SPOCD1: variants seen among roughly 807,000 people sequenced by gnomAD.
SPOCD1 encodes the protein SPOC domain-containing protein 1.
A neutral mutation model predicts 92.2 loss-of-function variants in SPOCD1; 64 were observed. The ratio of observed to expected loss-of-function variants is 0.69; its 90% CI spans 0.57 to 0.86. SPOCD1 has a LOEUF of 0.86. Ranked by LOEUF, SPOCD1 falls within the 40% of genes least tolerant of loss-of-function variation. The probability of loss-of-function intolerance (pLI) is 0.00; values close to 1 mark genes in which losing one functional copy is unlikely to be tolerated. For missense variants in SPOCD1, 1,360 were observed against 1,543.1 expected (o/e 0.88, Z 1.99); for synonymous variants, 578 against 619.3 (o/e 0.93, Z 0.99).
rs979995116 is a variant in SPOCD1, at chr1:31,806,511, A to G, written c.1384-4806T>C. On this transcript the variant is annotated intron_variant, in intron 2 of 15. Transcript: ENST00000360482. ...TAGTTTCTTTAATTCATCATATCCA[A>G]TATATTATCATTTCAACATGCAATC... is the stretch of plus-strand genomic sequence containing the variant. Among the ~76,000 whole-genome samples the G allele has an allele frequency of 2.0e-5, 3 of 152,138 alleles. No individual in the cohort carries two copies. The South Asian group carries it at 6.2e-4, about 32-fold the overall frequency.
At chr1:31,796,401 C>T in intron 10 of SPOCD1, 189 bp downstream of exon 10, 3 of 873,062 alleles carry the variant, frequency 3.4e-6, no homozygotes, top group Non-Finnish European at 5.4e-6. Context: ...CGCTGGCAGG[C>T]CTGTGCCAGC....
At position 31,814,399 on chromosome 1, in the gene SPOCD1, C is replaced by T. The variant is rs1420117201; in HGVS notation, c.935G>A (p.Gly312Glu). 2 of 1,609,174 alleles carry T rather than the reference C, an allele frequency of 1.2e-6. No individual in the cohort carries two copies. The highest frequency in any genetic ancestry group is 2.7e-5 in the African/African-American group (2 of 74,900). ...GPVGFPVPSGGESLSSAAQAP... is the reference protein window; with the variant it reads ...GPVGFPVPSGEESLSSAAQAP... ...CTGTGCAGCTGAACTGAGGGACTCC[C>T]CTCCACTGGGCACTGGGAACCCGAC... The change falls in exon 2 of 16, where the codon GGG becomes GAG. Residue 312 changes from glycine to glutamate, a missense_variant. Coordinates refer to ENST00000360482, the MANE Select transcript of SPOCD1 (RefSeq NM_144569.7). This position sits in a 1 kb window ranked among gnomAD's most constrained non-coding sequence, Gnocchi z 4.2.
In SPOCD1 at chr1:31,790,456, A is replaced by G; in HGVS notation, c.*147T>C. On this transcript the variant is annotated 3_prime_UTR_variant, in exon 16 of 16. Coordinates refer to ENST00000360482, the MANE Select transcript of SPOCD1 (RefSeq NM_144569.7). Reference sequence around the variant, plus strand: ...TACCAAATTCTTTATTGAACAAAAAATCAACAGCAAACATTGTCAAACAGG... The same window carrying G: ...TACCAAATTCTTTATTGAACAAAAAGTCAACAGCAAACATTGTCAAACAGG... 1.3e-6 allele frequency: 1 copy of G among 764,974 alleles called. No individual in the cohort carries two copies. Among genetic ancestry groups the G allele is most frequent in the Non-Finnish European group, 2.1e-6 (1 of 477,204 alleles). The allele number at this position is 764,974 out of a possible 1,614,324, so 47.4% of individuals were successfully genotyped here. A position where few individuals can be genotyped will look rare whatever the true frequency, so the allele number is the denominator to read the frequency against.
intron 2 of SPOCD1, among the ~76,000 whole-genome samples, 188 bp from the exon 3 acceptor site, chr1:31,801,893 T>G (rs1648492002): frequency 6.6e-6 from 1 of 152,146 alleles, no homozygotes; most frequent in Non-Finnish European, 1.5e-5. Context: ...TCAGGCCAGG[T>G]GCAGTGGCTC....
At chr1:31,792,004 C>A (rs1421563823) in intron 15 of SPOCD1, 4 of 605,540 alleles carry the variant, frequency 6.6e-6, no homozygotes, top group Non-Finnish European at 8.7e-6. Flanking sequence ...TACAAGAATT[C>A]ATCTAGGTAA....
At chr1:31,793,169 G>A (rs1490146537) in intron 13 of SPOCD1, 109 bp downstream of exon 13, 23 of 1,341,486 alleles carry the variant, frequency 1.7e-5, no homozygotes, top group African/African-American at 2.9e-5. Flanking sequence ...GCACAGAAAG[G>A]GGTGCCCATG....
At position 31,798,808 on chromosome 1, in the gene SPOCD1, G is replaced by A. The variant is rs1297541664; in HGVS notation, c.1869-207C>T. On this transcript the variant is annotated intron_variant, in intron 7 of 15. Transcript: ENST00000360482. This position sits in a 1 kb window ranked among gnomAD's most constrained non-coding sequence, Gnocchi z 4.1. The stretch of plus-strand genomic sequence containing the variant: ...TCCTTTTATGGATGGGGTTACTGGG[G>A]CTCAGGGAAAATAAGAGGCTTACTC... 3.3e-6 allele frequency: 2 copies of A among 610,488 alleles called. No homozygotes were observed. The highest frequency in any genetic ancestry group is 1.9e-5 in the African/African-American group (1 of 53,932). The allele number at this position is 610,488 out of a possible 1,614,324, so 37.8% of individuals were successfully genotyped here.
chr1:31,810,354 A>ATT (rs35691769), intron 2 of SPOCD1, among the ~76,000 whole-genome samples: 10,473 of 137,876 alleles, frequency 0.076, 593 homozygotes, highest in African/African-American at 0.13. Context: ...TTAGTGTTGA[A>ATT]TTTTTTTTTT....
chr1:31,802,778 G>A (rs1032602479), intron 2 of SPOCD1, among the ~76,000 whole-genome samples: 5 of 152,078 alleles, frequency 3.3e-5, no homozygotes, highest in African/African-American at 9.7e-5. Context: ...AGAACAATAC[G>A]TGTGGTGTGC....
At chr1:31,804,334 G>A (rs1466369707) in intron 2 of SPOCD1, among the ~76,000 whole-genome samples, 1 of 152,048 alleles carries the variant, frequency 6.6e-6, no homozygotes, top group Non-Finnish European at 1.5e-5. Flanking sequence ...CAAAGAGCTG[G>A]GATTTAAATC....
At chr1:31,804,561 G>T (rs1366913438) in intron 2 of SPOCD1, among the ~76,000 whole-genome samples, 1 of 152,080 alleles carries the variant, frequency 6.6e-6, no homozygotes, top group East Asian at 1.9e-4. Flanking sequence ...CAAGAATAAG[G>T]AAGAAATAAA....
chr1:31,796,353 G>A (rs182829718), intron 10 of SPOCD1: 85 of 617,266 alleles, frequency 1.4e-4, no homozygotes, highest in Non-Finnish European at 2.6e-5. Flanking sequence ...GGGGGCCTTG[G>A]GGTGAGGCCA....
chr1:31,798,955 A>T lies in SPOCD1; in HGVS notation c.1869-354T>A. ...GAGGAAGCCGGGGTCAGGTCAGAGT[A>T]AGGCAGGAGTCAGGGGGAGAGAATG... is the stretch of plus-strand genomic sequence containing the variant. On this transcript the variant is annotated intron_variant, in intron 7 of 15. Transcript: ENST00000360482. The surrounding 1 kb of genome is among the most constrained non-coding windows in gnomAD (Gnocchi z 4.1). 1.8e-6 allele frequency: 1 copy of T among 543,132 alleles called. No homozygotes were observed. Among genetic ancestry groups the T allele is most frequent in the Non-Finnish European group, 3.2e-6 (1 of 309,292 alleles). The allele number at this position is 543,132 out of a possible 1,614,324, so 33.6% of individuals were successfully genotyped here.
At position 31,790,688 on chromosome 1, in the gene SPOCD1, G is replaced by A; in HGVS notation, c.3566C>T (p.Pro1189Leu). ...LQRLSSALAA[P>L]EPPGPARDSS... ...GTCACGGGCTGGGCCAGGGGGCTCTGGAGCTGCAAGGGCGCTAGACAAACG... is the reference window on the plus strand; with the variant it reads ...GTCACGGGCTGGGCCAGGGGGCTCTAGAGCTGCAAGGGCGCTAGACAAACG... The change falls in exon 16 of 16, where the codon CCA becomes CTA. Residue 1189 changes from proline to leucine, a missense_variant. Around this residue, in one of 3 missense-constraint regions of SPOCD1, gnomAD observed 614 missense variants for 757.8 expected, o/e 0.81. Coordinates refer to ENST00000360482, the MANE Select transcript of SPOCD1 (RefSeq NM_144569.7). 1 of 1,551,904 alleles carries A rather than the reference G, an allele frequency of 6.4e-7. No individual in the cohort carries two copies. The highest frequency in any genetic ancestry group is 1.2e-5 in the South Asian group (1 of 84,078).
chr1:31,801,581 C>T (rs975272549), intron 3 of SPOCD1, 83 bp downstream of exon 3: 50 of 1,297,474 alleles, frequency 3.9e-5, no homozygotes, highest in Non-Finnish European at 5.6e-5. Context: ...AGGATCTCCA[C>T]ATCTACTGTG....
chr1:31,806,546 A>AC (rs1452152020), intron 2 of SPOCD1, among the ~76,000 whole-genome samples: 8 of 151,540 alleles, frequency 5.3e-5, no homozygotes. Flanking sequence ...CGATATGAAA[A>AC]CTTTTTTTTT....
At chr1:31,795,186 T>C (rs145154559) in intron 10 of SPOCD1, 1 of 152,348 alleles carries the variant, frequency 6.6e-6, no homozygotes, top group Non-Finnish European at 1.5e-5. Context: ...CTTTTTTTCC[T>C]CATACTAGAA....
At position 31,799,876 on chromosome 1, in the gene SPOCD1, C is replaced by T. The variant is rs775807101; in HGVS notation, c.1729-13G>A. The T allele has an allele frequency of 1.2e-5, 19 of 1,614,018 alleles. No homozygotes were observed. Among genetic ancestry groups the T allele is most frequent in the African/African-American group, 2.7e-5 (2 of 74,930 alleles). ...CCATTGGGCCACTCTGTAGGGGAGGCGTGAGGAATTGAGGCTGTGCTGGTG... is the reference window on the plus strand; with the variant it reads ...CCATTGGGCCACTCTGTAGGGGAGGTGTGAGGAATTGAGGCTGTGCTGGTG... On this transcript the variant is annotated splice_polypyrimidine_tract_variant and intron_variant, in intron 5 of 15. Transcript: ENST00000360482.
rs140799747 is a variant in SPOCD1 at position 31,800,494 on chromosome 1, G to C, written c.1549C>G (p.Gln517Glu). 4.3e-6 allele frequency: 7 copies of C among 1,611,962 alleles called. No homozygotes were observed. The African/African-American group carries it at 9.3e-5, about 22-fold the overall frequency. Residue 517 changes from glutamine (Q) to glutamate (E), a missense_variant, in exon 4 of 16, where the codon CAG (glutamine) becomes GAG (glutamate). This residue lies in a region of SPOCD1 where 606 missense variants were observed against 601.5 expected (regional missense o/e 1.01). Transcript: ENST00000360482. ...GGCCTTTTCTTCCTTCTGAGCCTCT[G>C]GGCAGGTGAGGGTGAGCTGACCTCC... ...LMEVSSPSPA[Q>E]RLRRKKRPMV...
Sources: allele counts gnomAD v4.1 joint callset (sites outside exome capture counted in the v4.1 genomes callset), GRCh38; gene constraint gnomAD v4.1.1; regional missense constraint gnomAD v4.1.1; non-coding constraint Gnocchi (gnomAD v3.1); transcripts MANE v1.5; gene names NCBI Gene and HGNC (gene_info 2026-07-23, HGNC 2026-07-21).